Variants in EZH2 observed in about 807,000 individuals in gnomAD.
EZH2 encodes enhancer of zeste 2 polycomb repressive complex 2 subunit, also known as histone-lysine N-methyltransferase EZH2.
EZH2 carries 18 observed loss-of-function variants against 98.4 expected under a neutral mutation model. The observed-to-expected ratio is 0.18, with a 90% CI of 0.13 to 0.27. The LOEUF (loss-of-function observed/expected upper bound fraction) is 0.27, where lower values mean the gene tolerates loss of function less well. Ranked by LOEUF, EZH2 falls within the 10% of genes least tolerant of loss-of-function variation. EZH2 has a pLI of 1.00. For missense variants in EZH2, 470 were observed against 935.1 expected (o/e 0.50, Z 6.49); for synonymous variants, 338 against 312.3 (o/e 1.08, Z -0.87).
intron 3 of EZH2, among the ~76,000 whole-genome samples, chr7:148,837,751 C>T (rs1585085979): frequency 6.6e-6 from 1 of 152,010 alleles, no homozygotes; most frequent in Admixed American, 6.5e-5. Flanking sequence ...GAAACAAAAA[C>T]GGAAGAAAAA....
chr7:148,811,971 T>C (rs1162231314), intron 15 of EZH2: 1 of 452,074 alleles, frequency 2.2e-6, no homozygotes, highest in Non-Finnish European at 4.0e-6. Flanking sequence ...GTTGGTCCTC[T>C]GCAATGACCA....
rs185883351 is a variant in EZH2, at chr7:148,828,024, A to G, written c.625+716T>C. On this transcript the variant is annotated intron_variant, in intron 6 of 19. Transcript: ENST00000320356. ...TCCCAGCTACTCGGGAGGCTGAGGC[A>G]GGAGAATGGCGTGAACCCAGGAGGC... 1.9e-3 allele frequency among the ~76,000 whole-genome samples: 296 copies of G among 152,364 alleles called. 5 individuals are homozygous for G. In the East Asian group the frequency reaches 0.047, roughly 24 times the overall value.
chr7:148,850,626 T>G (rs867862221), intron 1 of EZH2, among the ~76,000 whole-genome samples: 2 of 152,280 alleles, frequency 1.3e-5, no homozygotes, highest in African/African-American at 4.8e-5. Context: ...AAATCACATT[T>G]TCATGTATTT....
At chr7:148,826,207 G>T (rs986353196) in intron 8 of EZH2, among the ~76,000 whole-genome samples, 1 of 149,496 alleles carries the variant, frequency 6.7e-6, no homozygotes, top group Non-Finnish European at 1.5e-5. Flanking sequence ...CACTTACGGG[G>T]GAAAAAAAAA....
At chr7:148,837,015 A>G (rs551718497) in intron 3 of EZH2, 10 of 491,944 alleles carry the variant, frequency 2.0e-5, no homozygotes, top group South Asian at 1.5e-4. Flanking sequence ...AGGGAAGGGA[A>G]AGAAATTAAC....
intron 1 of EZH2, among the ~76,000 whole-genome samples, chr7:148,870,656 C>T (rs572342193): frequency 2.0e-5 from 3 of 150,008 alleles, no homozygotes; most frequent in East Asian, 3.9e-4. Flanking sequence ...GAGCCATCAT[C>T]GTGCCACTGC....
intron 1 of EZH2, among the ~76,000 whole-genome samples, chr7:148,864,223 T>C (rs1277451364): frequency 6.6e-6 from 1 of 152,254 alleles, no homozygotes; most frequent in Non-Finnish European, 1.5e-5. Flanking sequence ...GATTTCAAAC[T>C]GAAGTCCATA....
chr7:148,879,619 GGTGGAGGT>G (rs1302610149), intron 1 of EZH2, among the ~76,000 whole-genome samples: 24 of 152,090 alleles, frequency 1.6e-4, no homozygotes, highest in Non-Finnish European at 2.6e-4. Flanking sequence ...GAACCCAGGA[GGTGGAGGT>G]TGCAGTGAGC....
In EZH2 at chr7:148,809,142, G is replaced by A. The variant is rs369705964; in HGVS notation, c.2124C>T (p.Asn708=). Residue 708 remains asparagine, a synonymous_variant, in exon 19 of 20, where the codon AAC becomes AAT. Transcript: ENST00000320356. ...CAAAAATACCTATCCTGTGATCACCGTTAACCATCATAACTGCAAAGAGAC... is the reference window on the plus strand; with the variant it reads ...CAAAAATACCTATCCTGTGATCACCATTAACCATCATAACTGCAAAGAGAC... ...PNCYAKVMMV[N]GDHRIGIFAK... The A allele has an allele frequency of 2.0e-5, 33 of 1,614,042 alleles. No homozygotes were observed. In the Admixed American group the frequency reaches 2.5e-4, roughly 12 times the overall value.
intron 1 of EZH2, among the ~76,000 whole-genome samples, chr7:148,855,590 T>C (rs781698790): frequency 3.9e-5 from 6 of 152,072 alleles, no homozygotes; most frequent in Non-Finnish European, 8.8e-5. Flanking sequence ...GTAAGCACTA[T>C]ATCAGCATTA....
chr7:148,861,803 T>TAA (rs10628711), intron 1 of EZH2, among the ~76,000 whole-genome samples: 83,511 of 143,260 alleles, frequency 0.58, 24,356 homozygotes, highest in Middle Eastern at 0.66. Flanking sequence ...TTCTTTTATT[T>TAA]AAAAAAAAAA....
chr7:148,873,629 G>A (rs1287892353), intron 1 of EZH2, among the ~76,000 whole-genome samples: 4 of 131,008 alleles, frequency 3.1e-5, no homozygotes, highest in South Asian at 2.4e-4. Context: ...AGTCTACCAA[G>A]GATATACTTT....
intron 6 of EZH2, among the ~76,000 whole-genome samples, chr7:148,827,732 G>A (rs540856768): frequency 2.0e-5 from 3 of 152,216 alleles, no homozygotes; most frequent in Admixed American, 1.3e-4. Flanking sequence ...GCTTTGCCAA[G>A]TAGAGAACAC....
intron 4 of EZH2, among the ~76,000 whole-genome samples, 199 bp from the exon 5 acceptor site, chr7:148,830,047 TGACA>T (rs914228723): frequency 2.6e-5 from 4 of 152,138 alleles, no homozygotes; most frequent in Admixed American, 6.5e-5. Context: ...AGAAAACTGT[TGACA>T]GAAAAAAAAT....
Position 148,816,592 on chromosome 7 carries a change from C to T in EZH2, c.1505+92G>A, listed in dbSNP as rs1024592520. 5 of 881,780 alleles carry T rather than the reference C, an allele frequency of 5.7e-6. No homozygotes were observed. The East Asian group carries it at 9.8e-5, about 17-fold the overall frequency. 54.6% of individuals were successfully genotyped at this position (881,780 alleles called of 1,614,324 possible). On this transcript the variant is annotated intron_variant, in intron 12 of 19. Transcript: ENST00000320356. ...CAGTTTAAGGTTTTTTAAAAATAGA[C>T]TAAGTAGAAACCAACAACAGCCCTT... is the stretch of plus-strand genomic sequence containing the variant.
Position 148,834,395 on chromosome 7 carries a change from T to C in EZH2, c.247-1645A>G, listed in dbSNP as rs541092351. On this transcript the variant is annotated intron_variant, in intron 3 of 19. Transcript: ENST00000320356. ...CACACACACACACATATTAAATGTTTAAATTTTTTATTTAAAATGTCTTAA... is the reference window on the plus strand; with the variant it reads ...CACACACACACACATATTAAATGTTCAAATTTTTTATTTAAAATGTCTTAA... 9.8e-3 allele frequency among the ~76,000 whole-genome samples: 1,482 copies of C among 150,692 alleles called. 21 individuals carry two copies. The highest frequency in any genetic ancestry group is 0.035 in the African/African-American group (1,400 of 40,168).
intron 1 of EZH2, chr7:148,883,606 G>T (rs1450221549): frequency 1.4e-5 from 2 of 147,728 alleles, no homozygotes; most frequent in Non-Finnish European, 3.0e-5. Flanking sequence ...GCAGCGGCCC[G>T]CGCCTCCCCA....
rs61562892 is a variant in EZH2 at position 148,879,859 on chromosome 7, C to A, written c.-8+4305G>T. Among the ~76,000 whole-genome samples, 1,108 of 151,000 alleles carry A rather than the reference C, an allele frequency of 7.3e-3. 18 individuals carry two copies. Among genetic ancestry groups the A allele is most frequent in the African/African-American group, 0.026 (1,057 of 41,112 alleles). ...AATGGCTCAGCCTGTCATCCCTGTA[C>A]TTTAAGAGGCCAAGGCAGGAGGATT... On this transcript the variant is annotated intron_variant, in intron 1 of 19. Coordinates refer to ENST00000320356, the MANE Select transcript of EZH2 (RefSeq NM_004456.5).
chr7:148,866,440 T>A (rs993030922), intron 1 of EZH2, among the ~76,000 whole-genome samples: 1 of 150,978 alleles, frequency 6.6e-6, no homozygotes, highest in Non-Finnish European at 1.5e-5. Context: ...AAAGCCTTCA[T>A]GAGATGCAGG....
Sources: allele counts gnomAD v4.1 joint callset (sites outside exome capture counted in the v4.1 genomes callset), GRCh38; gene constraint gnomAD v4.1.1; transcripts MANE v1.5; gene names NCBI Gene and HGNC (gene_info 2026-07-23, HGNC 2026-07-21).